The following NDST1 variants were observed in gnomAD, a reference collection of about 807,000 sequenced individuals.
The protein encoded by NDST1 is bifunctional heparan sulfate N-deacetylase/N-sulfotransferase 1.
NDST1 carries 35 observed loss-of-function variants against 92.8 expected under a neutral mutation model. The observed-to-expected ratio is 0.38, with a 90% CI of 0.29 to 0.50. NDST1 has a LOEUF of 0.50. Ranked by LOEUF, NDST1 falls within the 20% of genes least tolerant of loss-of-function variation. The probability of loss-of-function intolerance (pLI) is 0.94; values close to 1 mark genes in which losing one functional copy is unlikely to be tolerated. For missense variants in NDST1, 822 were observed against 1,182.7 expected (o/e 0.69, Z 4.47); for synonymous variants, 493 against 500.3 (o/e 0.99, Z 0.19).
chr5:150,518,083 C>G (rs1422641605), intron 1 of NDST1, among the ~76,000 whole-genome samples: 1 of 152,232 alleles, frequency 6.6e-6, no homozygotes, highest in Non-Finnish European at 1.5e-5. Flanking sequence ...CCTTCTTGCC[C>G]TGCTCTCAGC....
chr5:150,521,033 C>T lies in NDST1; in HGVS notation c.-222C>T, dbSNP rs561745001. 45 of 599,442 alleles carry T rather than the reference C, an allele frequency of 7.5e-5. No homozygotes were observed. The highest frequency in any genetic ancestry group is 6.5e-4 in the African/African-American group (35 of 53,938). The allele number at this position is 599,442 out of a possible 1,614,324, so 37.1% of individuals were successfully genotyped here. A position where few individuals can be genotyped will look rare whatever the true frequency, so the allele number is the denominator to read the frequency against. ...TTTGCCATGGTGACATAAAGGGGCGCGGAGGAAGGAAGGAGCGTGACCAGC... is the reference window on the plus strand; with the variant it reads ...TTTGCCATGGTGACATAAAGGGGCGTGGAGGAAGGAAGGAGCGTGACCAGC... On this transcript the variant is annotated 5_prime_UTR_variant, in exon 2 of 15. Coordinates refer to ENST00000261797, the MANE Select transcript of NDST1 (RefSeq NM_001543.5). This position sits in a 1 kb window ranked among gnomAD's most constrained non-coding sequence, Gnocchi z 5.9.
chr5:150,532,819 G>T (rs1754805732), intron 3 of NDST1, 126 bp from the exon 4 acceptor site: 1 of 918,290 alleles, frequency 1.1e-6, no homozygotes, highest in East Asian at 2.4e-5. Flanking sequence ...GAGCCACCAC[G>T]CCGTCCTTGA....
chr5:150,536,058 T>C (rs1004898615), intron 6 of NDST1, among the ~76,000 whole-genome samples, 173 bp downstream of exon 6: 6 of 152,228 alleles, frequency 3.9e-5, no homozygotes, highest in Admixed American at 3.9e-4. Context: ...GAAGGTGGGC[T>C]GCCACTCCGA....
At chr5:150,523,756 G>T (rs999932297) in intron 2 of NDST1, among the ~76,000 whole-genome samples, 2 of 152,212 alleles carry the variant, frequency 1.3e-5, no homozygotes, top group Admixed American at 6.5e-5. Flanking sequence ...GCGCTGTCTG[G>T]CCCCAATTCC....
At position 150,541,708 on chromosome 5, in the gene NDST1, C is replaced by A. The variant is rs114264300; in HGVS notation, c.1846+42C>A. On this transcript the variant is annotated intron_variant, in intron 9 of 14. Transcript: ENST00000261797. ...TTGACCGAGCTTCCCCAACTGCCTGCTGTCTCAGCCACAGAATTCTGAGGA... is the reference window on the plus strand; with the variant it reads ...TTGACCGAGCTTCCCCAACTGCCTGATGTCTCAGCCACAGAATTCTGAGGA... The A allele has an allele frequency of 7.2e-4, 1,131 of 1,564,126 alleles. 7 individuals are homozygous for A. In the African/African-American group the frequency reaches 0.014, roughly 19 times the overall value.
chr5:150,542,161 A>G (rs1755273509), intron 9 of NDST1, among the ~76,000 whole-genome samples: 2 of 152,188 alleles, frequency 1.3e-5, no homozygotes, highest in Admixed American at 1.3e-4. Flanking sequence ...CCCTTAACAC[A>G]TTCAGTTAGG....
intron 12 of NDST1, among the ~76,000 whole-genome samples, chr5:150,548,852 T>A (rs1755604245): frequency 6.6e-6 from 1 of 152,154 alleles, no homozygotes; most frequent in Non-Finnish European, 1.5e-5. Context: ...TAGACCTGTT[T>A]ATCCCAAGGT....
At chr5:150,536,977 A>G (rs1022858455) in intron 6 of NDST1, among the ~76,000 whole-genome samples, 1 of 152,262 alleles carries the variant, frequency 6.6e-6, no homozygotes, top group South Asian at 2.1e-4. Context: ...CCATATGCTC[A>G]TGCATGTGTG....
intron 8 of NDST1, among the ~76,000 whole-genome samples, chr5:150,540,796 C>T (rs1449357708): frequency 6.6e-6 from 1 of 152,200 alleles, no homozygotes; most frequent in Non-Finnish European, 1.5e-5. Flanking sequence ...GCCTGGGCAA[C>T]AGAGTGAGAC....
At chr5:150,538,677 C>T (rs1233241624) in intron 6 of NDST1, among the ~76,000 whole-genome samples, 1 of 152,174 alleles carries the variant, frequency 6.6e-6, no homozygotes, top group Non-Finnish European at 1.5e-5. Flanking sequence ...TCAGTCCATC[C>T]ATCCATCCAC....
At chr5:150,547,738 T>G (rs184694316) in intron 11 of NDST1, among the ~76,000 whole-genome samples, 172 of 152,316 alleles carry the variant, frequency 1.1e-3, no homozygotes, top group African/African-American at 3.9e-3. Context: ...ATGACAACAG[T>G]GCAGCAGCGT....
rs371359917 is a variant in NDST1 at position 150,548,281 on chromosome 5, G to A, written c.2209G>A (p.Gly737Ser). The A allele has an allele frequency of 1.4e-5, 22 of 1,614,054 alleles. No homozygotes were observed. Among genetic ancestry groups the A allele is most frequent in the Admixed American group, 1.7e-5 (1 of 60,006 alleles). Residue 737 changes from glycine to serine, a missense_variant, in exon 12 of 15, where the codon GGC becomes AGC. By Grantham distance (56) the Gly-to-Ser change is moderately conservative. Coordinates refer to ENST00000261797, the MANE Select transcript of NDST1 (RefSeq NM_001543.5). ...KYTFHEVITA[G>S]SDASSKLRAL... ...CACCTTCCATGAGGTGATTACCGCCGGCTCTGACGCATCCTCGAAGCTGCG... is the reference window on the plus strand; with the variant it reads ...CACCTTCCATGAGGTGATTACCGCCAGCTCTGACGCATCCTCGAAGCTGCG...
Position 150,545,372 on chromosome 5 carries a change from C to G in NDST1, c.2031C>G (p.Ser677Arg), listed in dbSNP as rs139041226. 1 of 1,614,118 alleles carries G rather than the reference C, an allele frequency of 6.2e-7. No homozygotes were observed. The highest frequency in any genetic ancestry group is 8.5e-7 in the Non-Finnish European group (1 of 1,180,046). ...NTTSDFYFEK[S>R]ANYFDSEVAP... is the part of the protein sequence containing the mutation. ...CCTCCGACTTCTACTTTGAGAAAAG[C>G]GCCAACTACTTTGATTCAGAAGTGG... The change falls in exon 11 of 15, where the codon AGC becomes AGG. Residue 677 changes from serine (S) to arginine (R), a missense_variant. By Grantham distance (110) the Ser-to-Arg change is moderately radical (BLOSUM62 -1). Coordinates refer to ENST00000261797, the MANE Select transcript of NDST1 (RefSeq NM_001543.5).
chr5:150,530,652 A>G (rs1220507192), intron 3 of NDST1, among the ~76,000 whole-genome samples: 1 of 147,504 alleles, frequency 6.8e-6, no homozygotes, highest in Non-Finnish European at 1.5e-5. Flanking sequence ...AAGTGATCCT[A>G]AGCACAAGCA....
intron 1 of NDST1, among the ~76,000 whole-genome samples, chr5:150,511,240 TCA>T (rs1753706623): frequency 6.6e-6 from 1 of 152,242 alleles, no homozygotes; most frequent in South Asian, 2.1e-4. Flanking sequence ...CGTAGCAGAT[TCA>T]CAGAGGGGAA....
At chr5:150,549,114 C>T (rs2151303525) in intron 12 of NDST1, among the ~76,000 whole-genome samples, 1 of 152,274 alleles carries the variant, frequency 6.6e-6, no homozygotes, top group South Asian at 2.1e-4. Flanking sequence ...CGGGTTCAAG[C>T]GTTTCTTCCA....
At chr5:150,505,043 AC>A (rs1753389044), upstream of NDST1, among the ~76,000 whole-genome samples, 1 of 152,164 alleles carries the variant, frequency 6.6e-6, no homozygotes, top group African/African-American at 2.4e-5. Flanking sequence ...TCCCTGCTAT[AC>A]TTTAATAAAG....
At chr5:150,551,916 T>C in intron 14 of NDST1, 61 bp downstream of exon 14, 2 of 1,594,784 alleles carry the variant, frequency 1.3e-6, no homozygotes, top group Non-Finnish European at 1.7e-6. Flanking sequence ...CTGTATGGAG[T>C]TGAGGGGGAT....
rs912117728 is a variant in NDST1 at position 150,556,810 on chromosome 5, C to T, written c.*3478C>T. The T allele has an allele frequency of 6.6e-6, 1 of 152,622 alleles. No individual in the cohort carries two copies. Among genetic ancestry groups the T allele is most frequent in the Non-Finnish European group, 1.5e-5 (1 of 68,042 alleles). 9.5% of individuals were successfully genotyped at this position (152,622 alleles called of 1,614,324 possible). ...ATCCCCCCAATTGTCTCCCAGGTAA[C>T]TTATGTGTCTGGTTTTGGAATCAGC... On this transcript the variant is annotated 3_prime_UTR_variant, in exon 15 of 15. Transcript: ENST00000261797.
Sources: allele counts gnomAD v4.1 joint callset (sites outside exome capture counted in the v4.1 genomes callset), GRCh38; gene constraint gnomAD v4.1.1; non-coding constraint Gnocchi (gnomAD v3.1); transcripts MANE v1.5; gene names NCBI Gene and HGNC (gene_info 2026-07-23, HGNC 2026-07-21).